MYO9A: variants seen among roughly 807,000 people sequenced by gnomAD.
MYO9A encodes unconventional myosin-IXa.
A neutral mutation model predicts 293.3 loss-of-function variants in MYO9A; 103 were observed. The observed-to-expected ratio is 0.35, with a 90% CI of 0.30 to 0.41. The LOEUF is 0.41. MYO9A is among the 10% of genes least tolerant of loss of function. The pLI, the probability that MYO9A is intolerant of heterozygous loss-of-function variation, is 1.00. For synonymous variants in MYO9A, 1,001 were observed against 1,035.7 expected, an observed-to-expected ratio of 0.97 and a Z score of 0.64; for missense variants, 2,685 against 3,033.0, an observed-to-expected ratio of 0.89 and a Z score of 2.69.
chr15:71,901,806 T>C (rs2057493182), intron 22 of MYO9A, among the ~76,000 whole-genome samples: 2 of 152,198 alleles, frequency 1.3e-5, no homozygotes, highest in Admixed American at 1.3e-4. Context: ...AATGTATTAC[T>C]GGTAATAAGT....
chr15:71,863,111 T>C (rs1045659290), intron 32 of MYO9A, among the ~76,000 whole-genome samples: 1 of 151,838 alleles, frequency 6.6e-6, no homozygotes, highest in Non-Finnish European at 1.5e-5. Flanking sequence ...TATATTTTTT[T>C]TTACTAGTGA....
intron 32 of MYO9A, among the ~76,000 whole-genome samples, chr15:71,864,200 G>A (rs895391654): frequency 3.9e-5 from 6 of 152,128 alleles, no homozygotes; most frequent in African/African-American, 1.2e-4. Context: ...CAAAGAAGCC[G>A]TTCAAATGGT....
At chr15:72,045,541 C>T (rs1029559835) in intron 2 of MYO9A, among the ~76,000 whole-genome samples, 183 bp downstream of exon 2, 1 of 152,168 alleles carries the variant, frequency 6.6e-6, no homozygotes, top group African/African-American at 2.4e-5. Context: ...GCTGGGATTA[C>T]AGGCATGAGC....
chr15:72,052,770 G>A (rs1363785844), intron 1 of MYO9A, among the ~76,000 whole-genome samples: 8 of 152,324 alleles, frequency 5.3e-5, no homozygotes, highest in Middle Eastern at 6.8e-3. Context: ...TGCCTGCCCC[G>A]CTGCAGCCAG....
At chr15:71,901,162 T>C (rs747473476) in intron 23 of MYO9A, 29 bp downstream of exon 23, 2 of 1,593,768 alleles carry the variant, frequency 1.3e-6, no homozygotes, top group Non-Finnish European at 1.7e-6. Context: ...AACTAGTCAA[T>C]CTCATGCAAA....
intron 38 of MYO9A, 86 bp downstream of exon 38, chr15:71,849,950 C>CA: frequency 6.6e-7 from 1 of 1,507,134 alleles, no homozygotes; most frequent in Non-Finnish European, 9.2e-7. Flanking sequence ...TTTATGAACC[C>CA]ATTCACTATG....
chr15:72,029,040 G>A (rs909090124), intron 3 of MYO9A, among the ~76,000 whole-genome samples: 3 of 152,180 alleles, frequency 2.0e-5, no homozygotes, highest in Non-Finnish European at 4.4e-5. Context: ...AGAGACACCT[G>A]AGATTCAATC....
At chr15:71,875,727 G>A in intron 32 of MYO9A, 64 bp downstream of exon 32, 1 of 814,626 alleles carries the variant, frequency 1.2e-6, no homozygotes, top group Non-Finnish European at 1.8e-6. Flanking sequence ...TATATTGTAT[G>A]ATATACCTCA....
intron 31 of MYO9A, among the ~76,000 whole-genome samples, 155 bp downstream of exon 31, chr15:71,877,885 G>A (rs1208218781): frequency 6.6e-6 from 1 of 152,194 alleles, no homozygotes; most frequent in Non-Finnish European, 1.5e-5. Flanking sequence ...AATGAAGTTT[G>A]GAGGATCTAA....
At chr15:71,869,183 T>A (rs972164478) in intron 32 of MYO9A, among the ~76,000 whole-genome samples, 3 of 152,198 alleles carry the variant, frequency 2.0e-5, no homozygotes, top group African/African-American at 7.2e-5. Flanking sequence ...TTACATGGTC[T>A]GAAGTATATC....
chr15:71,909,171 C>A (rs2057761187), intron 19 of MYO9A, among the ~76,000 whole-genome samples: 1 of 152,196 alleles, frequency 6.6e-6, no homozygotes, highest in Non-Finnish European at 1.5e-5. Context: ...GACATCTTGA[C>A]TGTTTCCAAG....
intron 1 of MYO9A, among the ~76,000 whole-genome samples, chr15:72,090,903 T>C (rs1411741547): frequency 6.6e-6 from 1 of 151,774 alleles, no homozygotes; most frequent in Non-Finnish European, 1.5e-5. Flanking sequence ...GGCTCACACC[T>C]GTAATCCCAG....
chr15:72,094,792 G>A (rs1034991918), intron 1 of MYO9A, among the ~76,000 whole-genome samples: 3 of 91,808 alleles, frequency 3.3e-5, no homozygotes, highest in African/African-American at 7.7e-5. Flanking sequence ...CTGTATTACA[G>A]GTGTAAGCCG....
chr15:71,913,796 G>A (rs2057929472), intron 19 of MYO9A, among the ~76,000 whole-genome samples: 1 of 152,000 alleles, frequency 6.6e-6, no homozygotes, highest in Non-Finnish European at 1.5e-5. Context: ...GTGAGAGCAG[G>A]GCCAGAGCAG....
chr15:72,019,157 T>G, intron 5 of MYO9A, 62 bp from the exon 6 acceptor site: 14 of 1,383,236 alleles, frequency 1.0e-5, no homozygotes, highest in African/African-American at 1.4e-5. Flanking sequence ...TAATGATCTC[T>G]TAGATGTGGT....
rs1369934061 is a variant in MYO9A, at chr15:71,888,073, T to A, written c.5186A>T (p.His1729Leu). 6.2e-7 allele frequency: 1 copy of A among 1,611,076 alleles called. No homozygotes were observed. The highest frequency in any genetic ancestry group is 1.1e-5 in the South Asian group (1 of 90,528). ...AATCTCTCCTTGAGACATAGTCTTA[T>A]GAAGTTTTGCTTGTTCATCAACTGA... is the stretch of plus-strand genomic sequence containing the variant. ...FSSVDEQAKL[H>L]KTMSQGEITK... Residue 1729 changes from histidine (H) to leucine (L), a missense_variant, in exon 27 of 42, where the codon CAT becomes CTT. This residue lies in a region of MYO9A where 1,434 missense variants were observed against 1,497.7 expected (regional missense o/e 0.96). Transcript: ENST00000356056.
At chr15:71,866,785 G>A (rs1438373260) in intron 32 of MYO9A, among the ~76,000 whole-genome samples, 2 of 152,106 alleles carry the variant, frequency 1.3e-5, no homozygotes, top group African/African-American at 4.8e-5. Context: ...CAGGCCAGGC[G>A]CAGTGGCTCA....
chr15:72,049,724 T>C (rs1406811821), intron 1 of MYO9A, among the ~76,000 whole-genome samples: 1 of 152,254 alleles, frequency 6.6e-6, no homozygotes, highest in African/African-American at 2.4e-5. Flanking sequence ...ATGCTCCTTA[T>C]GAGAATCTAA....
intron 34 of MYO9A, among the ~76,000 whole-genome samples, chr15:71,855,868 T>C (rs986300610): frequency 3.3e-5 from 5 of 152,216 alleles, no homozygotes; most frequent in African/African-American, 1.2e-4. Context: ...AATTAGTATA[T>C]AGCAAACTAA....
Sources: gnomAD v4.1 joint callset for allele counts (sites outside exome capture counted in the v4.1 genomes callset) on GRCh38, gnomAD v4.1.1 for gene constraint, gnomAD v4.1.1 regional missense constraint, MANE v1.5 for transcripts, NCBI Gene and HGNC (gene_info 2026-07-23, HGNC 2026-07-21) for gene names.